Variants in TRPC7 observed in about 807,000 individuals in gnomAD.
The protein encoded by TRPC7 is transient receptor potential cation channel subfamily C member 7.
Under a neutral mutation model 90.1 loss-of-function variants are expected in TRPC7, and 42 were observed. The ratio of observed to expected loss-of-function variants is 0.47; its 90% CI spans 0.36 to 0.60. The LOEUF is 0.60. Among genes scored for constraint, TRPC7 ranks in the 20% least tolerant of loss-of-function variants. The pLI, the probability that TRPC7 is intolerant of heterozygous loss-of-function variation, is 0.00. For synonymous variants in TRPC7, 451 were observed against 436.3 expected (o/e 1.03, Z -0.42); for missense variants, 955 against 1,112.3 (o/e 0.86, Z 2.01).
chr5:136,251,519 A>T, intron 6 of TRPC7, 130 bp downstream of exon 6: 2 of 745,264 alleles, frequency 2.7e-6, no homozygotes, highest in Non-Finnish European at 4.4e-6. Flanking sequence ...GAACTGCCAA[A>T]GTCGGCTGTG....
chr5:136,293,693 A>G (rs1156454794), intron 3 of TRPC7, among the ~76,000 whole-genome samples: 4 of 152,228 alleles, frequency 2.6e-5, no homozygotes, highest in African/African-American at 4.8e-5. Context: ...AAGAATCAAT[A>G]TTGTGAAAAT....
At chr5:136,323,273 A>G (rs1420308309) in intron 2 of TRPC7, among the ~76,000 whole-genome samples, 1 of 152,186 alleles carries the variant, frequency 6.6e-6, no homozygotes, top group Non-Finnish European at 1.5e-5. Flanking sequence ...TGAGTTTATT[A>G]AACTTCTTTT....
intron 3 of TRPC7, among the ~76,000 whole-genome samples, chr5:136,285,553 G>T (rs1757686342): frequency 6.6e-6 from 1 of 152,200 alleles, no homozygotes. Flanking sequence ...GCCATCTGGA[G>T]CTATGCAGGA....
rs117875147 is a variant in TRPC7 at position 136,237,345 on chromosome 5, G to A, written c.1845-5796C>T. ...TTTATTTATACTGAGGGGTTTCACTGTACCCCATGCAGCCTGGGAACTCTT... is the reference window on the plus strand; with the variant it reads ...TTTATTTATACTGAGGGGTTTCACTATACCCCATGCAGCCTGGGAACTCTT... On this transcript the variant is annotated intron_variant, in intron 7 of 11. Transcript: ENST00000513104. Among the ~76,000 whole-genome samples, 148 of 152,306 alleles carry A rather than the reference G, an allele frequency of 9.7e-4. 1 individual carries two copies. The East Asian group carries it at 0.024, about 25-fold the overall frequency.
At chr5:136,320,394 C>T (rs1196581344) in intron 2 of TRPC7, among the ~76,000 whole-genome samples, 1 of 152,118 alleles carries the variant, frequency 6.6e-6, no homozygotes, top group South Asian at 2.1e-4. Context: ...TAGTTGATTC[C>T]ACCAGGCAGA....
intron 10 of TRPC7, among the ~76,000 whole-genome samples, chr5:136,224,004 C>G (rs1289401039): frequency 6.6e-6 from 1 of 152,174 alleles, no homozygotes; most frequent in African/African-American, 2.4e-5. Context: ...TGAGCCATTT[C>G]TTAATTGTGC....
intron 2 of TRPC7, among the ~76,000 whole-genome samples, chr5:136,353,479 G>A (rs918985445): frequency 1.3e-5 from 2 of 152,158 alleles, no homozygotes; most frequent in Admixed American, 6.5e-5. Flanking sequence ...AAGCAGCAAC[G>A]TGTGGTCCCT....
chr5:136,257,346 C>G (rs1011655491), intron 5 of TRPC7, among the ~76,000 whole-genome samples: 5 of 151,950 alleles, frequency 3.3e-5, no homozygotes, highest in African/African-American at 1.2e-4. Flanking sequence ...CCACACCTGG[C>G]TAATTTTTGT....
chr5:136,350,294 G>A (rs1056804133), intron 2 of TRPC7, among the ~76,000 whole-genome samples: 1 of 152,156 alleles, frequency 6.6e-6, no homozygotes, highest in Admixed American at 6.5e-5. Flanking sequence ...CAACCTCCTC[G>A]CTGTCCACTT....
At chr5:136,285,713 T>C (rs567780736) in intron 3 of TRPC7, among the ~76,000 whole-genome samples, 7 of 152,358 alleles carry the variant, frequency 4.6e-5, no homozygotes, top group Non-Finnish European at 7.3e-5. Context: ...AGGCTGATGA[T>C]AGATTTTGTA....
Position 136,357,044 on chromosome 5 carries a change from C to T in TRPC7, c.344G>A (p.Ser115Asn). 1 of 1,613,506 alleles carries T rather than the reference C, an allele frequency of 6.2e-7. No individual in the cohort carries two copies. The highest frequency in any genetic ancestry group is 8.5e-7 in the Non-Finnish European group (1 of 1,179,928). The part of the protein sequence containing the change: ...RVGDALLLAI[S>N]KGYVRIVEAI... The stretch of plus-strand genomic sequence containing the variant: ...CTCCACGATGCGCACATAGCCCTTG[C>T]TGATGGCCAGCAGCAGCGCGTCCCC... Residue 115 changes from serine to asparagine, a missense_variant, in exon 2 of 12, where the codon AGC becomes AAC. By Grantham distance (46) the Ser-to-Asn change is conservative. Around this residue, in one of 4 missense-constraint regions of TRPC7, gnomAD observed 14 missense variants for 34.2 expected, o/e 0.41. Coordinates refer to ENST00000513104, the MANE Select transcript of TRPC7 (RefSeq NM_020389.3).
At chr5:136,343,809 G>T (rs12518787) in intron 2 of TRPC7, among the ~76,000 whole-genome samples, 50,087 of 152,030 alleles carry the variant, frequency 0.33, 9,235 homozygotes, top group Middle Eastern at 0.46. Flanking sequence ...AAAGATATTT[G>T]CAATGTCTGA....
chr5:136,274,031 T>C (rs1757284717), intron 4 of TRPC7, among the ~76,000 whole-genome samples: 1 of 152,158 alleles, frequency 6.6e-6, no homozygotes, highest in African/African-American at 2.4e-5. Flanking sequence ...ATAACACTCC[T>C]TTTGAGCTCT....
intron 4 of TRPC7, among the ~76,000 whole-genome samples, chr5:136,274,008 C>T (rs1399264646): frequency 3.3e-5 from 5 of 152,152 alleles, no homozygotes; most frequent in Admixed American, 2.6e-4. Context: ...ACTGGACACT[C>T]CCCCTCAGGG....
In TRPC7 at chr5:136,356,638, G is replaced by A. The variant is rs749642641; in HGVS notation, c.750C>T (p.Ala250=). 4.2e-5 allele frequency: 65 copies of A among 1,554,316 alleles called. No homozygotes were observed. Among genetic ancestry groups the A allele is most frequent in the Non-Finnish European group, 5.3e-5 (61 of 1,149,710 alleles). ...LTALELSNEL[A]RLANIETEFK... The stretch of plus-strand genomic sequence containing the variant: ...ATTCAGTCTCAATGTTGGCTAGTCT[G>A]GCTAACTCGTTGCTGAGCTCCAGGG... The change falls in exon 2 of 12, where the codon GCC becomes GCT. Residue 250 remains alanine (A), a synonymous_variant. Coordinates refer to ENST00000513104, the MANE Select transcript of TRPC7 (RefSeq NM_020389.3).
At chr5:136,355,835 A>T (rs538243022) in intron 2 of TRPC7, among the ~76,000 whole-genome samples, 1 of 152,258 alleles carries the variant, frequency 6.6e-6, no homozygotes, top group East Asian at 1.9e-4. Flanking sequence ...ATTATTAAAC[A>T]CTGTGTGAAA....
At chr5:136,252,328 T>G (rs1318195339) in intron 5 of TRPC7, among the ~76,000 whole-genome samples, 2 of 149,424 alleles carry the variant, frequency 1.3e-5, no homozygotes, top group African/African-American at 2.5e-5. Flanking sequence ...AGAACTATGG[T>G]TTTTTTTGGA....
At chr5:136,276,742 C>A (rs1162816558) in intron 3 of TRPC7, among the ~76,000 whole-genome samples, 1 of 152,190 alleles carries the variant, frequency 6.6e-6, no homozygotes, top group Non-Finnish European at 1.5e-5. Flanking sequence ...AGGGAGGAAC[C>A]CCCAGGCTGC....
intron 4 of TRPC7, among the ~76,000 whole-genome samples, chr5:136,272,583 T>C (rs1757241560): frequency 6.6e-6 from 1 of 152,198 alleles, no homozygotes. Flanking sequence ...TGCCCTCTAC[T>C]GCACTGAGCT....
Sources: allele counts gnomAD v4.1 joint callset (sites outside exome capture counted in the v4.1 genomes callset), GRCh38; gene constraint gnomAD v4.1.1; regional missense constraint gnomAD v4.1.1; transcripts MANE v1.5; gene names NCBI Gene and HGNC (gene_info 2026-07-23, HGNC 2026-07-21).